The following REPS2 variants were observed in gnomAD, a reference collection of about 807,000 sequenced individuals.
The protein encoded by REPS2 is ralBP1-associated Eps domain-containing protein 2.
Under a neutral mutation model 53.6 loss-of-function variants are expected in REPS2, and 23 were observed. The ratio of observed to expected loss-of-function variants is 0.43; its 90% CI spans 0.31 to 0.61. The LOEUF is 0.61. Among genes scored for constraint, REPS2 ranks in the 20% least tolerant of loss-of-function variants. The probability of loss-of-function intolerance (pLI) is 0.11; values close to 1 mark genes in which losing one functional copy is unlikely to be tolerated. For synonymous variants in REPS2, 238 were observed against 218.6 expected, an observed-to-expected ratio of 1.09 and a Z score of -0.78; for missense variants, 446 against 534.9, an observed-to-expected ratio of 0.83 and a Z score of 1.64.
At chrX:17,085,272 T>G (rs1193932649) in intron 13 of REPS2, among the ~76,000 whole-genome samples, 2 of 112,383 alleles carry the variant, frequency 1.8e-5, no homozygotes, top group East Asian at 5.6e-4. Context: ...GTCTTGATAA[T>G]TGTAGATTTA....
intron 1 of REPS2, among the ~76,000 whole-genome samples, chrX:16,968,705 C>A (rs1354817841): frequency 1.0e-5 from 1 of 97,407 alleles, no homozygotes; most frequent in Non-Finnish European, 2.1e-5. Flanking sequence ...GCTGACCCCC[C>A]CCACCTCCCT....
intron 1 of REPS2, among the ~76,000 whole-genome samples, chrX:17,000,031 A>G: frequency 1.2e-5 from 1 of 86,361 alleles, no homozygotes; most frequent in Admixed American, 1.3e-4. Context: ...TGGGCGACAG[A>G]GCGAGACTCC....
chrX:17,124,739 CCTGG>C (rs1344234146), intron 14 of REPS2, among the ~76,000 whole-genome samples: 5 of 110,439 alleles, frequency 4.5e-5, no homozygotes, highest in African/African-American at 1.7e-4. Context: ...TTGGAATCCA[CCTGG>C]ATCCTTGGAT....
At chrX:17,040,402 T>A (rs2061816417) in intron 5 of REPS2, among the ~76,000 whole-genome samples, 1 of 111,991 alleles carries the variant, frequency 8.9e-6, no homozygotes, top group Non-Finnish European at 1.9e-5. Flanking sequence ...TTTTCGAATG[T>A]TTGTTTGTTT....
At chrX:17,050,141 CCTTTCTTTCTTTCTTTCTTTCTTTCTTT>C (rs774556038) in intron 6 of REPS2, among the ~76,000 whole-genome samples, 36 of 20,387 alleles carry the variant, frequency 1.8e-3, no homozygotes, top group African/African-American at 5.1e-3. Flanking sequence ...TTCCTTTCTT[CCTTTCTTTCTTTCTTTCTTTCTTTCTTT>C]CTTTCTTTCT....
intron 1 of REPS2, among the ~76,000 whole-genome samples, chrX:16,979,996 C>T (rs761185740): frequency 8.4e-4 from 94 of 111,751 alleles, no homozygotes; most frequent in Non-Finnish European, 1.5e-3. Flanking sequence ...TTGAGTTTGT[C>T]CTCAATAGCT....
intron 1 of REPS2, among the ~76,000 whole-genome samples, chrX:16,964,327 A>G (rs887613666): frequency 1.8e-5 from 2 of 109,717 alleles, no homozygotes; most frequent in African/African-American, 6.7e-5. Context: ...CACATGTTTC[A>G]GAGAGCACCG....
rs759001768 is a variant in REPS2, at chrX:16,964,654, G to A, written c.273+17520G>A. On this transcript the variant is annotated intron_variant, in intron 1 of 17. Coordinates refer to ENST00000357277, the MANE Select transcript of REPS2 (RefSeq NM_004726.3). The stretch of plus-strand genomic sequence containing the variant: ...CCCGGACGGGGCGGCTGGCCGGACG[G>A]GGGGCTGACCCCCCCCACCTCCCTC... Among the ~76,000 whole-genome samples the A allele has an allele frequency of 2.3e-3, 236 of 103,858 alleles. 1 individual carries two copies. Among genetic ancestry groups the A allele is most frequent in the African/African-American group, 7.9e-3 (219 of 27,821 alleles). 90.2% of individuals were successfully genotyped at this position (103,858 alleles called of 115,157 possible). A position where few individuals can be genotyped will look rare whatever the true frequency, so the allele number is the denominator to read the frequency against.
chrX:17,126,612 A>C (rs1549531), intron 14 of REPS2, among the ~76,000 whole-genome samples: 1 of 110,651 alleles, frequency 9.0e-6, no homozygotes, highest in Admixed American at 9.6e-5. Context: ...AATCTCCAAG[A>C]GGGAGATAGA....
At chrX:16,982,676 G>A (rs749062657) in intron 1 of REPS2, among the ~76,000 whole-genome samples, 2 of 111,954 alleles carry the variant, frequency 1.8e-5, no homozygotes, top group Non-Finnish European at 3.8e-5. Context: ...TTTGGCCACG[G>A]ATTTGCTTTG....
intron 5 of REPS2, among the ~76,000 whole-genome samples, chrX:17,030,349 G>A (rs977244633): frequency 3.7e-5 from 4 of 106,725 alleles, no homozygotes; most frequent in Non-Finnish European, 1.9e-5. Context: ...GTGTGCACGC[G>A]CGGGTGTGCA....
chrX:17,113,670 A>T (rs1052396775), intron 14 of REPS2, among the ~76,000 whole-genome samples: 13 of 111,402 alleles, frequency 1.2e-4, no homozygotes, highest in African/African-American at 4.2e-4. Context: ...GCACTGAATG[A>T]CAAATTCAAA....
At chrX:17,056,074 G>A (rs1223697000) in intron 8 of REPS2, among the ~76,000 whole-genome samples, 2 of 111,881 alleles carry the variant, frequency 1.8e-5, no homozygotes, top group African/African-American at 6.5e-5. Context: ...AGATACTTTG[G>A]GGAGTCCTTG....
chrX:17,135,473 T>C (rs1217316890), intron 16 of REPS2, 67 bp downstream of exon 16: 2 of 1,098,999 alleles, frequency 1.8e-6, no homozygotes, highest in Non-Finnish European at 2.5e-6. Context: ...GATATGTAAA[T>C]GTGTTGACAT....
intron 1 of REPS2, among the ~76,000 whole-genome samples, chrX:16,953,296 C>T (rs978113007): frequency 8.9e-6 from 1 of 111,761 alleles, no homozygotes; most frequent in East Asian, 2.8e-4. Context: ...ATAATAGTTA[C>T]TTGTTGACTC....
chrX:17,024,976 A>C, intron 3 of REPS2, 83 bp from the exon 4 acceptor site: 19 of 1,169,949 alleles, frequency 1.6e-5, no homozygotes, highest in Non-Finnish European at 2.2e-5. Flanking sequence ...CACCAGCAGT[A>C]GAGTTGCGTT....
the REPS2 span, among the ~76,000 whole-genome samples, chrX:17,196,513 A>G: frequency 1.8e-5 from 2 of 111,981 alleles, no homozygotes; most frequent in East Asian, 5.6e-4. Context: ...TGCTCCTTCC[A>G]TCATGTGAGG....
chrX:17,042,074 A>G (rs1336455420), intron 5 of REPS2, among the ~76,000 whole-genome samples: 1 of 112,432 alleles, frequency 8.9e-6, no homozygotes, highest in African/African-American at 3.2e-5. Flanking sequence ...AAGCAAATCT[A>G]ATTCTCCTGT....
At chrX:17,056,693 T>TAA (rs11372156) in intron 8 of REPS2, among the ~76,000 whole-genome samples, 28 of 100,567 alleles carry the variant, frequency 2.8e-4, no homozygotes, top group Non-Finnish European at 3.4e-4. Flanking sequence ...AGACTCTGTC[T>TAA]AAAAAAAAAA....
Sources: allele counts gnomAD v4.1 joint callset (sites outside exome capture counted in the v4.1 genomes callset), GRCh38; gene constraint gnomAD v4.1.1; transcripts MANE v1.5; gene names NCBI Gene and HGNC (gene_info 2026-07-23, HGNC 2026-07-21).